Variants in NAA30 observed in about 807,000 individuals in gnomAD.
NAA30 encodes N-alpha-acetyltransferase 30, NatC catalytic subunit.
A neutral mutation model predicts 31.4 loss-of-function variants in NAA30; 5 were observed. That is an observed-to-expected ratio of 0.16 (90% confidence interval 0.08 to 0.33). The LOEUF (loss-of-function observed/expected upper bound fraction) is 0.33, where lower values mean the gene tolerates loss of function less well. NAA30 is among the 10% of genes least tolerant of loss of function. The pLI is 1.00. For synonymous variants in NAA30, 222 were observed against 207.1 expected (o/e 1.07, Z -0.62); for missense variants, 428 against 490.8 (o/e 0.87, Z 1.21).
rs770116867 is a variant in NAA30, at chr14:57,396,916, T to C, written c.895+41T>C. On this transcript the variant is annotated intron_variant, in intron 3 of 4. Coordinates refer to ENST00000556492, the MANE Select transcript of NAA30 (RefSeq NM_001011713.3). Reference sequence around the variant, plus strand: ...TTTTATGGAAAGAATGCCTAAGCTATTTTCATTTTTGTTGTGTTTTGAAAT... The same window carrying C: ...TTTTATGGAAAGAATGCCTAAGCTACTTTCATTTTTGTTGTGTTTTGAAAT... The C allele has an allele frequency of 1.9e-6, 3 of 1,586,144 alleles. No individual in the cohort carries two copies. In the South Asian group the frequency reaches 3.4e-5, roughly 18 times the overall value.
intron 3 of NAA30, among the ~76,000 whole-genome samples, chr14:57,397,612 A>G (rs971207677): frequency 6.6e-6 from 1 of 152,184 alleles, no homozygotes. Context: ...TTTGTCATTT[A>G]AATAACGCCA....
In NAA30 at chr14:57,414,914, G is replaced by A. The variant is rs995758987; in HGVS notation, c.*5398G>A. 6.6e-6 allele frequency: 1 copy of A among 152,178 alleles called. No individual in the cohort carries two copies. The highest frequency in any genetic ancestry group is 1.5e-5 in the Non-Finnish European group (1 of 68,030). The allele number at this position is 152,178 out of a possible 1,614,324, so 9.4% of individuals were successfully genotyped here. ...CCTAGAAATAACAAAGACCACTGAA[G>A]TGCCAAATTTATCTTCTAATACTAC... On this transcript the variant is annotated 3_prime_UTR_variant, in exon 5 of 5. Transcript: ENST00000556492.
rs1367747492 is a variant in NAA30 at position 57,411,204 on chromosome 14, C to T, written c.*1688C>T. On this transcript the variant is annotated 3_prime_UTR_variant, in exon 5 of 5. Transcript: ENST00000556492. Reference sequence around the variant, plus strand: ...TCTGCTGGTGGGATTATTTATAGTTCTTTATTTTTAAAGAAAATGTTTTCC... The same window carrying T: ...TCTGCTGGTGGGATTATTTATAGTTTTTTATTTTTAAAGAAAATGTTTTCC... 1 of 151,580 alleles carries T rather than the reference C, an allele frequency of 6.6e-6. No homozygotes were observed. Among genetic ancestry groups the T allele is most frequent in the African/African-American group, 2.4e-5 (1 of 41,234 alleles). The allele number at this position is 151,580 out of a possible 1,614,324, so 9.4% of individuals were successfully genotyped here.
rs1237519351 is a variant in NAA30 at position 57,412,581 on chromosome 14, CTA to C, written c.*3068_*3069del. On this transcript the variant is annotated 3_prime_UTR_variant, in exon 5 of 5. Transcript: ENST00000556492. ...TTGACGTCAGATATGAGTTGAGTAT[CTA>C]TAAAATATCACGTGTATCTCAAAAT... The C allele has an allele frequency of 1.3e-5, 2 of 152,146 alleles. No individual in the cohort carries two copies. Among genetic ancestry groups the C allele is most frequent in the African/African-American group, 4.8e-5 (2 of 41,440 alleles). The allele number at this position is 152,146 out of a possible 1,614,324, so 9.4% of individuals were successfully genotyped here.
At chr14:57,393,817 TA>T (rs1245157971) in intron 2 of NAA30, among the ~76,000 whole-genome samples, 1 of 152,058 alleles carries the variant, frequency 6.6e-6, no homozygotes, top group Non-Finnish European at 1.5e-5. Context: ...GTCGGAAGGG[TA>T]AAGCTAGAAC....
At chr14:57,403,295 C>T (rs1484822632) in intron 4 of NAA30, among the ~76,000 whole-genome samples, 1 of 146,914 alleles carries the variant, frequency 6.8e-6, no homozygotes, top group Non-Finnish European at 1.5e-5. Context: ...GCACATCAAA[C>T]AATTTTTACT....
intron 2 of NAA30, among the ~76,000 whole-genome samples, chr14:57,393,700 A>G (rs1176290425): frequency 2.6e-5 from 4 of 152,082 alleles, no homozygotes; most frequent in African/African-American, 4.8e-5. Context: ...AAATGTTTCA[A>G]TCTCCAGATA....
In NAA30 at chr14:57,413,872, A is replaced by T. The variant is rs1356231338; in HGVS notation, c.*4356A>T. On this transcript the variant is annotated 3_prime_UTR_variant, in exon 5 of 5. Transcript: ENST00000556492. ...AGCATATAGCACTGCTACACTTTAG[A>T]TCACTACTGTCCAGTCACACTTTAT... is the stretch of plus-strand genomic sequence containing the variant. The T allele has an allele frequency of 1.3e-5, 2 of 152,220 alleles. No homozygotes were observed. The highest frequency in any genetic ancestry group is 2.9e-5 in the Non-Finnish European group (2 of 68,052). The allele number at this position is 152,220 out of a possible 1,614,324, so 9.4% of individuals were successfully genotyped here.
rs1335346285 is a variant in NAA30, at chr14:57,411,216, A to C, written c.*1700A>C. ...ATTATTTATAGTTCTTTATTTTTAA[A>C]GAAAATGTTTTCCTTTTTATATTGC... On this transcript the variant is annotated 3_prime_UTR_variant, in exon 5 of 5. Coordinates refer to ENST00000556492, the MANE Select transcript of NAA30 (RefSeq NM_001011713.3). 6.6e-6 allele frequency: 1 copy of C among 152,136 alleles called. No homozygotes were observed. Among genetic ancestry groups the C allele is most frequent in the African/African-American group, 2.4e-5 (1 of 41,446 alleles). 9.4% of individuals were successfully genotyped at this position (152,136 alleles called of 1,614,324 possible).
At chr14:57,399,750 G>T (rs2066466365) in intron 3 of NAA30, 78 bp from the exon 4 acceptor site, 2 of 823,704 alleles carry the variant, frequency 2.4e-6, no homozygotes, top group Non-Finnish European at 4.1e-6. Context: ...TGACATTTCT[G>T]TGCTTACGAA....
At chr14:57,397,632 A>G (rs1229576640) in intron 3 of NAA30, among the ~76,000 whole-genome samples, 2 of 152,178 alleles carry the variant, frequency 1.3e-5, no homozygotes, top group Non-Finnish European at 2.9e-5. Context: ...ATAAAACTCA[A>G]TAGGCCACCA....
At position 57,391,278 on chromosome 14, in the gene NAA30, C is replaced by T. The variant is rs2066426275; in HGVS notation, c.321C>T (p.Ser107=). The T allele has an allele frequency of 1.9e-6, 3 of 1,611,690 alleles. No individual in the cohort carries two copies. Among genetic ancestry groups the T allele is most frequent in the African/African-American group, 1.3e-5 (1 of 75,058 alleles). The change falls in exon 2 of 5, where the codon AGC becomes AGT. Residue 107 remains serine (S), a synonymous_variant. Transcript: ENST00000556492. The surrounding 1 kb of genome is among the most constrained non-coding windows in gnomAD (Gnocchi z 4.1). The stretch of plus-strand genomic sequence containing the variant: ...CCTCCCTCAAGAGCAAGGTCCTGAG[C>T]GTAGCAGAGGTGGCCGCGACCACAG... The part of the protein sequence containing the change: ...AAASLKSKVL[S]VAEVAATTAT...
In NAA30 at chr14:57,391,295, C is replaced by T; in HGVS notation, c.338C>T (p.Ala113Val). ...GTCCTGAGCGTAGCAGAGGTGGCCG[C>T]GACCACAGCCACCCCTGACGGAGGC... is the stretch of plus-strand genomic sequence containing the variant. ...SKVLSVAEVA[A>V]TTATPDGGPR... Residue 113 changes from alanine to valine, a missense_variant, in exon 2 of 5, where the codon GCG (alanine) becomes GTG (valine). By Grantham distance (64) the Ala-to-Val change is moderately conservative. Around this residue, in one of 2 missense-constraint regions of NAA30, gnomAD observed 349 missense variants for 310.4 expected, o/e 1.12. Coordinates refer to ENST00000556492, the MANE Select transcript of NAA30 (RefSeq NM_001011713.3). This position sits in a 1 kb window ranked among gnomAD's most constrained non-coding sequence, Gnocchi z 4.1. 1 of 1,610,566 alleles carries T rather than the reference C, an allele frequency of 6.2e-7. No individual in the cohort carries two copies. The highest frequency in any genetic ancestry group is 8.5e-7 in the Non-Finnish European group (1 of 1,178,916).
intron 3 of NAA30, among the ~76,000 whole-genome samples, chr14:57,398,273 G>C (rs2066459615): frequency 6.6e-6 from 1 of 151,974 alleles, no homozygotes; most frequent in Non-Finnish European, 1.5e-5. Context: ...GACTAAGTTT[G>C]AGCCTTTGAT....
In NAA30 at chr14:57,391,467, C is replaced by T. The variant is rs753922685; in HGVS notation, c.510C>T (p.Ala170=). ...SDPAAARNGL[A]EGTEQEEEEE... ...CCGCGGCGGCCCGCAATGGACTGGC[C>T]GAGGGCACCGAGCAGGAGGAGGAGG... The change falls in exon 2 of 5, where the codon GCC becomes GCT. Residue 170 remains alanine, a synonymous_variant. Coordinates refer to ENST00000556492, the MANE Select transcript of NAA30 (RefSeq NM_001011713.3). This position sits in a 1 kb window ranked among gnomAD's most constrained non-coding sequence, Gnocchi z 4.1. 1 of 1,611,260 alleles carries T rather than the reference C, an allele frequency of 6.2e-7. No homozygotes were observed. The highest frequency in any genetic ancestry group is 1.3e-5 in the African/African-American group (1 of 74,910).
chr14:57,402,301 C>G (rs1051351480), intron 4 of NAA30, among the ~76,000 whole-genome samples: 1 of 152,224 alleles, frequency 6.6e-6, no homozygotes, highest in Admixed American at 6.5e-5. Flanking sequence ...AATTATTGCA[C>G]TTAATTTCAC....
At chr14:57,399,179 A>G (rs2066463478) in intron 3 of NAA30, among the ~76,000 whole-genome samples, 2 of 152,226 alleles carry the variant, frequency 1.3e-5, no homozygotes, top group South Asian at 4.1e-4. Context: ...TTTTTAAATA[A>G]AATTTGTCTG....
At chr14:57,405,710 CTGTT>C (rs1203138432) in intron 4 of NAA30, among the ~76,000 whole-genome samples, 1 of 152,130 alleles carries the variant, frequency 6.6e-6, no homozygotes, top group East Asian at 1.9e-4. Flanking sequence ...AAGAGCAGTA[CTGTT>C]TGTTGTTCAT....
chr14:57,398,112 G>A (rs532565762), intron 3 of NAA30, among the ~76,000 whole-genome samples: 1 of 152,244 alleles, frequency 6.6e-6, no homozygotes, highest in East Asian at 1.9e-4. Flanking sequence ...AAACTATTAA[G>A]TGTTATTGTC....
Sources: allele counts gnomAD v4.1 joint callset (sites outside exome capture counted in the v4.1 genomes callset), GRCh38; gene constraint gnomAD v4.1.1; regional missense constraint gnomAD v4.1.1; non-coding constraint Gnocchi (gnomAD v3.1); transcripts MANE v1.5; gene names NCBI Gene and HGNC (gene_info 2026-07-23, HGNC 2026-07-21).